The following INTS3 variants were observed in gnomAD, a reference collection of about 807,000 sequenced individuals.
INTS3 encodes integrator complex subunit 3.
In INTS3, 34 loss-of-function variants were observed where a neutral mutation model predicts 146.3. That is an observed-to-expected ratio of 0.23 (90% CI 0.18 to 0.31). The LOEUF is 0.31. Among genes scored for constraint, INTS3 ranks in the 10% least tolerant of loss-of-function variants. The pLI is 1.00. For synonymous variants in INTS3, 475 were observed against 494.9 expected, an observed-to-expected ratio of 0.96 and a Z score of 0.53; for missense variants, 757 against 1,304.2, an observed-to-expected ratio of 0.58 and a Z score of 6.46.
chr1:153,770,097 G>C (rs1672770185), intron 23 of INTS3, 101 bp from the exon 24 acceptor site: 1 of 494,046 alleles, frequency 2.0e-6, no homozygotes, highest in South Asian at 2.0e-5. Flanking sequence ...GTGTGTGTGT[G>C]TGTGTGCTGG....
At chr1:153,729,011 G>A (rs952181570) in intron 1 of INTS3, among the ~76,000 whole-genome samples, 10 of 152,104 alleles carry the variant, frequency 6.6e-5, no homozygotes, top group Admixed American at 5.9e-4. Flanking sequence ...AAAATGGGTG[G>A]GGGGTGTTGG....
At chr1:153,750,791 G>A (rs530418045) in intron 6 of INTS3, 4 of 397,818 alleles carry the variant, frequency 1.0e-5, no homozygotes, top group African/African-American at 8.2e-5. Context: ...GAATGAATGA[G>A]TCAACAAAGA....
At chr1:153,750,060 T>C (rs922684967) in intron 6 of INTS3, among the ~76,000 whole-genome samples, 2 of 152,202 alleles carry the variant, frequency 1.3e-5, no homozygotes, top group African/African-American at 4.8e-5. Flanking sequence ...AGGTAGCAGG[T>C]AGGGGAGGAA....
intron 3 of INTS3, among the ~76,000 whole-genome samples, chr1:153,744,581 T>A (rs1671655772): frequency 6.6e-6 from 1 of 152,204 alleles, no homozygotes; most frequent in Non-Finnish European, 1.5e-5. Flanking sequence ...TTATGGCACA[T>A]GGAGGATCTC....
chr1:153,772,442 T>C lies in INTS3; in HGVS notation c.2821+2T>C, dbSNP rs1408593020. The C allele has an allele frequency of 6.2e-7, 1 of 1,614,144 alleles. No individual in the cohort carries two copies. Among genetic ancestry groups the C allele is most frequent in the Non-Finnish European group, 8.5e-7 (1 of 1,180,030 alleles). ...ACCTGACCAACACCAAGCAGAACTG[T>C]ATGCCTTCCACCCTCGGCGTCCAGT... On this transcript the variant is annotated splice_donor_variant, in intron 27 of 29. Coordinates refer to ENST00000318967, the MANE Select transcript of INTS3 (RefSeq NM_023015.5). LOFTEE classifies it high-confidence loss of function. This position sits in a 1 kb window ranked among gnomAD's most constrained non-coding sequence, Gnocchi z 4.6.
chr1:153,729,658 G>C (rs1441132797), intron 1 of INTS3, among the ~76,000 whole-genome samples: 2 of 152,198 alleles, frequency 1.3e-5, no homozygotes, highest in South Asian at 2.1e-4. Flanking sequence ...ACAAGGTCAA[G>C]AGATCGAGAC....
chr1:153,735,637 G>C (rs1412609472), intron 1 of INTS3, among the ~76,000 whole-genome samples: 1 of 152,118 alleles, frequency 6.6e-6, no homozygotes, highest in Non-Finnish European at 1.5e-5. Context: ...CTGTGTACAG[G>C]GCTTCCCCCA....
At position 153,773,017 on chromosome 1, in the gene INTS3, G is replaced by A. The variant is rs1672969343; in HGVS notation, c.2987G>A (p.Arg996Gln). The A allele has an allele frequency of 2.5e-6, 4 of 1,614,058 alleles. No individual in the cohort carries two copies. The highest frequency in any genetic ancestry group is 1.3e-5 in the African/African-American group (1 of 74,918). Residue 996 changes from arginine (R) to glutamine (Q), a missense_variant, in exon 29 of 30, where the codon CGA becomes CAA. This residue lies in a region of INTS3 where 125 missense variants were observed against 165.6 expected (regional missense o/e 0.75). Transcript: ENST00000318967. ...SRRKAALSSP[R>Q]SRKNATQPPN... ...CGAAAAGCAGCTCTGTCCAGCCCTCGAAGTCGAAAGAATGCCACACAGCCC... is the reference window on the plus strand; with the variant it reads ...CGAAAAGCAGCTCTGTCCAGCCCTCAAAGTCGAAAGAATGCCACACAGCCC...
Position 153,728,106 on chromosome 1 carries a change from C to T in INTS3, c.-529C>T. The T allele has an allele frequency of 3.1e-6, 1 of 325,606 alleles. No individual in the cohort carries two copies. The allele number at this position is 325,606 out of a possible 1,614,324, so 20.2% of individuals were successfully genotyped here. On this transcript the variant is annotated 5_prime_UTR_variant, in exon 1 of 30. Transcript: ENST00000318967. ...CGCTTCTGTGTGGTGTGGGGAGACG[C>T]TGGTCCTCCCCGTCCTCCCATAGCG...
intron 11 of INTS3, 35 bp downstream of exon 11, chr1:153,759,648 A>G (rs1210683389): frequency 1.5e-6 from 2 of 1,374,000 alleles, no homozygotes; most frequent in East Asian, 2.3e-5. Context: ...CCACTTCCCC[A>G]TCCCCCTAAG....
chr1:153,764,842 C>A, intron 19 of INTS3, 102 bp from the exon 20 acceptor site: 1 of 1,544,082 alleles, frequency 6.5e-7, no homozygotes, highest in Non-Finnish European at 9.0e-7. Flanking sequence ...GGGAGGAGGA[C>A]ATATGCTGTG....
intron 1 of INTS3, among the ~76,000 whole-genome samples, chr1:153,736,603 C>A (rs1671301381): frequency 6.6e-6 from 1 of 150,702 alleles, no homozygotes; most frequent in Non-Finnish European, 1.5e-5. Flanking sequence ...CATGCCACCA[C>A]ACCCAGCTAA....
intron 1 of INTS3, among the ~76,000 whole-genome samples, chr1:153,736,761 CT>C (rs5777880): frequency 1.8e-3 from 172 of 94,062 alleles, no homozygotes; most frequent in Middle Eastern, 8.9e-3. Context: ...GTCTTTCATT[CT>C]TTTTTTTTTT....
chr1:153,744,628 TAACGAC>T (rs1214976052), intron 3 of INTS3, among the ~76,000 whole-genome samples: 4 of 152,182 alleles, frequency 2.6e-5, no homozygotes, highest in Admixed American at 2.6e-4. Flanking sequence ...TGGTTTGACT[TAACGAC>T]AATAGAGGCA....
At chr1:153,769,737 A>G in intron 22 of INTS3, 32 bp from the exon 23 acceptor site, 1 of 1,496,664 alleles carries the variant, frequency 6.7e-7, no homozygotes, top group Non-Finnish European at 9.3e-7. Context: ...TTCAGAGCTG[A>G]TGGGTTCTGC....
chr1:153,770,799 AG>A, intron 25 of INTS3, 66 bp downstream of exon 25: 3 of 1,287,158 alleles, frequency 2.3e-6, no homozygotes, highest in Non-Finnish European at 3.4e-6. Context: ...TGTGGTCTAA[AG>A]GGCTTCTGTC....
intron 1 of INTS3, among the ~76,000 whole-genome samples, chr1:153,734,837 G>A (rs972237301): frequency 1.3e-5 from 2 of 152,192 alleles, no homozygotes; most frequent in Non-Finnish European, 2.9e-5. Flanking sequence ...ATTTATTCAT[G>A]TCCTGTGGTA....
In INTS3 at chr1:153,772,411, G is replaced by A. The variant is rs1317313415; in HGVS notation, c.2792G>A (p.Arg931Gln). The change falls in exon 27 of 30, where the codon CGG becomes CAG. Residue 931 changes from arginine (R) to glutamine (Q), a missense_variant. By Grantham distance (43) the Arg-to-Gln change is conservative. Around this residue, in one of 8 missense-constraint regions of INTS3, gnomAD observed 125 missense variants for 165.6 expected, o/e 0.75. Coordinates refer to ENST00000318967, the MANE Select transcript of INTS3 (RefSeq NM_023015.5). The surrounding 1 kb of genome is among the most constrained non-coding windows in gnomAD (Gnocchi z 4.6). Reference sequence around the variant, plus strand: ...ATCCTGGAGCACTTGGACAATCTGCGGCTCAACCTGACCAACACCAAGCAG... The same window carrying A: ...ATCCTGGAGCACTTGGACAATCTGCAGCTCAACCTGACCAACACCAAGCAG... ...EQILEHLDNL[R>Q]LNLTNTKQNF... 1.9e-6 allele frequency: 3 copies of A among 1,614,100 alleles called. No individual in the cohort carries two copies. Among genetic ancestry groups the A allele is most frequent in the Admixed American group, 1.7e-5 (1 of 60,016 alleles).
chr1:153,758,184 T>C (rs1379393436), intron 10 of INTS3, among the ~76,000 whole-genome samples: 1 of 152,224 alleles, frequency 6.6e-6, no homozygotes, highest in Non-Finnish European at 1.5e-5. Flanking sequence ...GAATCTGCAG[T>C]GGAGGCATTT....
Sources: gnomAD v4.1 joint callset for allele counts (sites outside exome capture counted in the v4.1 genomes callset) on GRCh38, gnomAD v4.1.1 for gene constraint, gnomAD v4.1.1 regional missense constraint, Gnocchi (gnomAD v3.1) non-coding constraint, MANE v1.5 for transcripts, NCBI Gene and HGNC (gene_info 2026-07-23, HGNC 2026-07-21) for gene names.